Variants in AVEN observed in about 807,000 individuals in gnomAD.
AVEN encodes the protein cell death regulator Aven.
Under a neutral mutation model 38.1 loss-of-function variants are expected in AVEN, and 41 were observed. The ratio of observed to expected loss-of-function variants is 1.08; its 90% confidence interval spans 0.84 to 1.40. The LOEUF is 1.40. Ranked by LOEUF, AVEN falls within the 40% of genes most tolerant of loss-of-function variation. The pLI is 0.00. For synonymous variants in AVEN, 206 were observed against 171.8 expected (o/e 1.20, Z -1.56); for missense variants, 605 against 438.8 (o/e 1.38, Z -3.38).
At chr15:33,876,732 G>C (rs1011354378) in intron 2 of AVEN, among the ~76,000 whole-genome samples, 1 of 152,152 alleles carries the variant, frequency 6.6e-6, no homozygotes, top group Admixed American at 6.5e-5. Context: ...CACCTGGTCA[G>C]AATGTCAAAC....
chr15:33,858,023 T>G (rs201633649), downstream of AVEN: 574 of 1,392,364 alleles, frequency 4.1e-4, 3 homozygotes, highest in African/African-American at 7.8e-3. Flanking sequence ...AACTGTAGAG[T>G]TAGTTACAGA....
At chr15:33,886,309 G>GT (rs1185091829) in intron 2 of AVEN, among the ~76,000 whole-genome samples, 2 of 152,006 alleles carry the variant, frequency 1.3e-5, no homozygotes, top group African/African-American at 2.4e-5. Flanking sequence ...AGATTTGATG[G>GT]TTTTTTGTTT....
rs1247400542 is a variant in AVEN at position 34,003,090 on chromosome 15, A to G, written c.387T>C (p.Asn129=). 6.2e-7 allele frequency: 1 copy of G among 1,613,856 alleles called. No homozygotes were observed. Among genetic ancestry groups the G allele is most frequent in the African/African-American group, 1.3e-5 (1 of 74,916 alleles). The part of the protein sequence containing the change: ...DRYQDIEKEV[N]NESGESQRGT... ...CCCTCTGTGACTCTCCACTTTCATT[A>G]TTGACCTCTTTTTCAATATCTTGAT... Residue 129 remains asparagine, a synonymous_variant, in exon 2 of 6, where the codon AAT becomes AAC. Transcript: ENST00000306730.
At chr15:34,054,383 G>A (rs1319019501) in intron 5 of AVEN, among the ~76,000 whole-genome samples, 3 of 152,140 alleles carry the variant, frequency 2.0e-5, no homozygotes, top group Non-Finnish European at 4.4e-5. Context: ...GCATGTGTAT[G>A]TTCACTGCAG....
downstream of AVEN, chr15:33,857,868 G>C (rs1454265763): frequency 6.2e-7 from 1 of 1,614,024 alleles, no homozygotes; most frequent in Non-Finnish European, 8.5e-7. Context: ...TACAACAAAA[G>C]CGAAGACGAT....
rs778648253 is a variant in AVEN, at chr15:34,022,074, A to G, written c.267+16706T>C. 2.6e-5 allele frequency among the ~76,000 whole-genome samples: 4 copies of G among 152,230 alleles called. No homozygotes were observed. The East Asian group carries it at 5.8e-4, about 22-fold the overall frequency. ...GTTTGCAATAAGGACAAGTACATGC[A>G]TTATATTTAAAACCTACTCCTGCCA... On this transcript the variant is annotated intron_variant, in intron 1 of 5. Coordinates refer to ENST00000306730, the MANE Select transcript of AVEN (RefSeq NM_020371.3).
chr15:33,867,083 A>C (rs1262496698), intron 5 of AVEN, among the ~76,000 whole-genome samples: 1 of 152,206 alleles, frequency 6.6e-6, no homozygotes, highest in African/African-American at 2.4e-5. Flanking sequence ...ATCTCACAGG[A>C]CATGCAGAAA....
At chr15:34,009,183 GT>G (rs1314617893) in intron 1 of AVEN, among the ~76,000 whole-genome samples, 1 of 151,980 alleles carries the variant, frequency 6.6e-6, no homozygotes, top group Non-Finnish European at 1.5e-5. Flanking sequence ...AAAAGTGAGG[GT>G]GAAAAAAAGA....
chr15:33,985,802 T>C (rs1223657348), intron 2 of AVEN, among the ~76,000 whole-genome samples: 1 of 152,152 alleles, frequency 6.6e-6, no homozygotes, highest in African/African-American at 2.4e-5. Flanking sequence ...ACTTAATCTT[T>C]TTAAGCTTCA....
intron 1 of AVEN, among the ~76,000 whole-genome samples, chr15:34,009,905 T>C (rs1198136702): frequency 6.6e-6 from 1 of 152,072 alleles, no homozygotes; most frequent in Admixed American, 6.6e-5. Context: ...GAAGTTACAG[T>C]GAGCTATGAT....
At chr15:33,994,564 A>G (rs918657316) in intron 2 of AVEN, among the ~76,000 whole-genome samples, 5 of 152,206 alleles carry the variant, frequency 3.3e-5, no homozygotes, top group Non-Finnish European at 5.9e-5. Context: ...GGTGCCAAAA[A>G]GGTTGGGGAC....
chr15:34,002,969 T>C (rs368043495), intron 2 of AVEN, 63 bp downstream of exon 2: 2 of 1,368,954 alleles, frequency 1.5e-6, no homozygotes, highest in South Asian at 2.9e-5. Context: ...TTTAAAAACA[T>C]ATATAAAATG....
intron 2 of AVEN, among the ~76,000 whole-genome samples, chr15:33,958,487 T>G (rs1895041092): frequency 6.6e-6 from 1 of 150,530 alleles, no homozygotes; most frequent in South Asian, 2.1e-4. Context: ...GCTACTCAGG[T>G]GGCTGAGGGA....
At chr15:33,871,703 AG>A (rs973509071) in intron 3 of AVEN, among the ~76,000 whole-genome samples, 2 of 149,250 alleles carry the variant, frequency 1.3e-5, no homozygotes, top group Non-Finnish European at 3.0e-5. Context: ...GCCTCAGAAG[AG>A]GAAAGGGCTA....
intron 5 of AVEN, among the ~76,000 whole-genome samples, chr15:34,061,355 T>C (rs996530418): frequency 3.3e-5 from 5 of 152,202 alleles, no homozygotes; most frequent in African/African-American, 9.6e-5. Flanking sequence ...TTAAGTGGAA[T>C]AATGTACAGT....
chr15:33,876,041 ACT>A lies in AVEN; in HGVS notation c.446-48_446-47del, dbSNP rs1487858434. On this transcript the variant is annotated intron_variant, in intron 2 of 5. Coordinates refer to ENST00000306730, the MANE Select transcript of AVEN (RefSeq NM_020371.3). ...AAAATTTATGCAAAAGCCAACGGAA[ACT>A]CTCAGTTCTCTAAATTTCCCTGCTA... 25 of 1,551,812 alleles carry A rather than the reference ACT, an allele frequency of 1.6e-5. No homozygotes were observed. In the Admixed American group the frequency reaches 3.8e-4, roughly 24 times the overall value.
intron 2 of AVEN, among the ~76,000 whole-genome samples, chr15:33,905,812 C>A (rs974954593): frequency 1.6e-5 from 2 of 125,118 alleles, no homozygotes; most frequent in African/African-American, 6.1e-5. Flanking sequence ...AAATTGAGAC[C>A]TTGTTTCGGG....
intron 2 of AVEN, among the ~76,000 whole-genome samples, chr15:33,962,919 C>CAAAAAAAA (rs57807791): frequency 7.3e-5 from 6 of 81,924 alleles, no homozygotes; most frequent in African/African-American, 2.7e-4. Context: ...AACTCGTTCT[C>CAAAAAAAA]AAAAAAAAAA....
chr15:33,860,430 T>G (rs1225147793), intron 11 of AVEN, among the ~76,000 whole-genome samples: 1 of 152,136 alleles, frequency 6.6e-6, no homozygotes, highest in East Asian at 1.9e-4. Flanking sequence ...CAATGAGAAA[T>G]TGTTAGCCAG....
Sources: gnomAD v4.1 joint callset for allele counts (sites outside exome capture counted in the v4.1 genomes callset) on GRCh38, gnomAD v4.1.1 for gene constraint, MANE v1.5 for transcripts, NCBI Gene and HGNC (gene_info 2026-07-23, HGNC 2026-07-21) for gene names.